WIF1: variants seen among roughly 807,000 people sequenced by gnomAD.
WIF1 encodes the protein Wnt inhibitory factor 1.
A neutral mutation model predicts 53.5 loss-of-function variants in WIF1; 35 were observed. That is an observed-to-expected ratio of 0.65 (90% CI 0.50 to 0.87). The LOEUF (loss-of-function observed/expected upper bound fraction) is 0.87. WIF1 is among the 40% of genes least tolerant of loss of function. The probability of loss-of-function intolerance (pLI) is 0.00; values close to 1 mark genes in which losing one functional copy is unlikely to be tolerated. For synonymous variants in WIF1, 171 were observed against 170.4 expected (o/e 1.00, Z -0.03); for missense variants, 467 against 476.8 (o/e 0.98, Z 0.19).
At chr12:65,085,593 C>T (rs1883026393) in intron 2 of WIF1, among the ~76,000 whole-genome samples, 1 of 152,140 alleles carries the variant, frequency 6.6e-6, no homozygotes, top group Non-Finnish European at 1.5e-5. Context: ...TCTCATGCAG[C>T]GTAGCTATTT....
chr12:65,090,938 AG>A (rs1245893838), intron 2 of WIF1, among the ~76,000 whole-genome samples: 14 of 152,132 alleles, frequency 9.2e-5, no homozygotes. Context: ...TGGGAGCTGG[AG>A]GGGTGTGATC....
chr12:65,118,837 G>A (rs1883551615), intron 2 of WIF1, among the ~76,000 whole-genome samples: 1 of 151,374 alleles, frequency 6.6e-6, no homozygotes, highest in African/African-American at 2.4e-5. Context: ...ACAAACATAA[G>A]TGAGAGAGAA....
intron 3 of WIF1, among the ~76,000 whole-genome samples, chr12:65,069,824 A>C (rs1423576072): frequency 2.0e-5 from 3 of 152,194 alleles, no homozygotes; most frequent in African/African-American, 7.2e-5. Context: ...TTTGCTGAGA[A>C]GCTGATTATG....
At chr12:65,095,759 C>T (rs1475128377) in intron 2 of WIF1, 1 of 152,076 alleles carries the variant, frequency 6.6e-6, no homozygotes, top group Non-Finnish European at 1.5e-5. Context: ...GTGCTCACTT[C>T]GGCAGCACAT....
At chr12:65,096,053 A>G (rs977246393) in intron 2 of WIF1, among the ~76,000 whole-genome samples, 1 of 152,210 alleles carries the variant, frequency 6.6e-6, no homozygotes, top group African/African-American at 2.4e-5. Context: ...CTGCACAGCA[A>G]AAGAATCTAT....
chr12:65,104,698 T>C (rs549815567), intron 2 of WIF1, among the ~76,000 whole-genome samples: 25 of 152,318 alleles, frequency 1.6e-4, no homozygotes, highest in Non-Finnish European at 3.1e-4. Flanking sequence ...CTCTATTTTC[T>C]TCTTCTACTC....
At chr12:65,086,699 CTTTCTT>C (rs1883043200) in intron 2 of WIF1, among the ~76,000 whole-genome samples, 1 of 103,770 alleles carries the variant, frequency 9.6e-6, no homozygotes, top group African/African-American at 3.4e-5. Context: ...CCTAGTGTTT[CTTTCTT>C]TTTTTTTTTT....
chr12:65,055,104 T>C lies in WIF1; in HGVS notation c.1018+14A>G. ...TTTTTTCCTTGTTTACAACTTTTTA[T>C]TTCTCCCACTCACTTTTATTGCAGT... On this transcript the variant is annotated intron_variant, in intron 9 of 9. Coordinates refer to ENST00000286574, the MANE Select transcript of WIF1 (RefSeq NM_007191.5). 1 of 1,610,464 alleles carries C rather than the reference T, an allele frequency of 6.2e-7. No homozygotes were observed. Among genetic ancestry groups the C allele is most frequent in the Admixed American group, 1.7e-5 (1 of 59,002 alleles).
chr12:65,091,709 C>A (rs1322794127), intron 2 of WIF1, among the ~76,000 whole-genome samples: 1 of 152,208 alleles, frequency 6.6e-6, no homozygotes, highest in Non-Finnish European at 1.5e-5. Context: ...TAGCTCTGAT[C>A]AAAGGTTTAA....
At chr12:65,062,132 C>T (rs1419942373) in intron 7 of WIF1, among the ~76,000 whole-genome samples, 3 of 152,134 alleles carry the variant, frequency 2.0e-5, no homozygotes, top group Non-Finnish European at 4.4e-5. Flanking sequence ...CCAGCTGTCC[C>T]AGAGCTCTGA....
intron 7 of WIF1, 117 bp from the exon 8 acceptor site, chr12:65,056,243 T>C: frequency 1.1e-6 from 1 of 871,658 alleles, no homozygotes; most frequent in Non-Finnish European, 1.7e-6. Flanking sequence ...ATGGCAATTT[T>C]CATTTATTTC....
intron 2 of WIF1, among the ~76,000 whole-genome samples, chr12:65,111,340 A>T (rs1305455155): frequency 6.6e-6 from 1 of 152,050 alleles, no homozygotes; most frequent in African/African-American, 2.4e-5. Context: ...CTTTTTCATT[A>T]TCTGACCTGC....
chr12:65,120,114 G>A (rs566077755), intron 2 of WIF1, among the ~76,000 whole-genome samples: 1 of 152,318 alleles, frequency 6.6e-6, no homozygotes, highest in South Asian at 2.1e-4. Flanking sequence ...AAATTTTAAT[G>A]TCAATGATCA....
At chr12:65,056,544 C>T (rs1882531676) in intron 7 of WIF1, among the ~76,000 whole-genome samples, 1 of 151,340 alleles carries the variant, frequency 6.6e-6, no homozygotes, top group African/African-American at 2.4e-5. Context: ...TTTTAATAAA[C>T]AGAATAATCT....
At chr12:65,114,178 T>TC (rs1883475530) in intron 2 of WIF1, among the ~76,000 whole-genome samples, 1 of 151,670 alleles carries the variant, frequency 6.6e-6, no homozygotes, top group South Asian at 2.1e-4. Flanking sequence ...TTTTTTTTAT[T>TC]TTTTTTTGGT....
At chr12:65,094,723 T>C (rs1261616972) in intron 2 of WIF1, among the ~76,000 whole-genome samples, 1 of 151,994 alleles carries the variant, frequency 6.6e-6, no homozygotes, top group East Asian at 1.9e-4. Flanking sequence ...GATGAGTATA[T>C]AAAACCAAAT....
chr12:65,097,146 T>G (rs920923113), intron 2 of WIF1, among the ~76,000 whole-genome samples: 1 of 151,374 alleles, frequency 6.6e-6, no homozygotes, highest in African/African-American at 2.4e-5. Context: ...AAACTGGGCC[T>G]CTTTTATTCA....
In WIF1 at chr12:65,080,709, A is replaced by G. The variant is rs1173554088; in HGVS notation, c.289-2855T>C. ...AGTACAGTAACAACAATCACACAAT[A>G]AACTTGGGTGTAATGCACACCATGT... On this transcript the variant is annotated intron_variant, in intron 2 of 9. Transcript: ENST00000286574. Among the ~76,000 whole-genome samples the G allele has an allele frequency of 2.0e-5, 3 of 152,330 alleles. No individual in the cohort carries two copies. In the East Asian group the frequency reaches 5.8e-4, roughly 29 times the overall value.
chr12:65,119,078 T>G (rs1883556758), intron 2 of WIF1, among the ~76,000 whole-genome samples: 1 of 152,172 alleles, frequency 6.6e-6, no homozygotes, highest in African/African-American at 2.4e-5. Flanking sequence ...GACCATCTGA[T>G]GAGCGGTCAG....
Sources: allele counts gnomAD v4.1 joint callset (sites outside exome capture counted in the v4.1 genomes callset), GRCh38; gene constraint gnomAD v4.1.1; transcripts MANE v1.5; gene names NCBI Gene and HGNC (gene_info 2026-07-23, HGNC 2026-07-21).